SLX4IP: variants seen among roughly 807,000 people sequenced by gnomAD.
SLX4IP encodes SLX4 interacting protein.
Under a neutral mutation model 32.9 loss-of-function variants are expected in SLX4IP, and 34 were observed. The observed-to-expected ratio is 1.03, with a 90% CI of 0.79 to 1.38. SLX4IP has a LOEUF of 1.38. Among genes scored for constraint, SLX4IP ranks in the 40% most tolerant of loss-of-function variants. SLX4IP has a pLI of 0.00. For missense variants in SLX4IP, 444 were observed against 479.0 expected, an observed-to-expected ratio of 0.93 and a Z score of 0.68; for synonymous variants, 172 against 171.7, an observed-to-expected ratio of 1.00 and a Z score of -0.01.
intron 2 of SLX4IP, among the ~76,000 whole-genome samples, chr20:10,515,001 A>G (rs1490014931): frequency 6.6e-6 from 1 of 152,008 alleles, no homozygotes; most frequent in Non-Finnish European, 1.5e-5. Flanking sequence ...AGTATTTTAG[A>G]AAATAGGACA....
At chr20:10,440,382 G>A (rs6077790) in intron 1 of SLX4IP, among the ~76,000 whole-genome samples, 56,419 of 151,700 alleles carry the variant, frequency 0.37, 12,171 homozygotes, top group Non-Finnish European at 0.49. Flanking sequence ...TTGAACCCAC[G>A]AGGCAGAGGT....
rs1491112415 is a variant in SLX4IP at position 10,518,549 on chromosome 20, C to CCTTCCTTCCTTCCTTCCTTCCTTT, written c.28-37679_28-37678insCCTTCCTTCCTTCCTTCCTTTCTT. Among the ~76,000 whole-genome samples, 50 of 52,906 alleles carry CCTTCCTTCCTTCCTTCCTTCCTTT rather than the reference C, an allele frequency of 9.5e-4. 5 individuals carry two copies. The highest frequency in any genetic ancestry group is 1.3e-3 in the Non-Finnish European group (33 of 24,770). 34.7% of individuals were successfully genotyped at this position (52,906 alleles called of 152,430 possible). A position where few individuals can be genotyped will look rare whatever the true frequency, so the allele number is the denominator to read the frequency against. ...TCCTTCCTTCCTTCCTTCCTTCCTT[C>CCTTCCTTCCTTCCTTCCTTCCTTT]CTTTCCTTCTTTCTTTCTTTTCTTT... On this transcript the variant is annotated intron_variant, in intron 2 of 7. Transcript: ENST00000334534.
intron 4 of SLX4IP, 65 bp downstream of exon 4, chr20:10,560,885 A>T (rs2066325617): frequency 7.0e-7 from 1 of 1,419,454 alleles, no homozygotes; most frequent in African/African-American, 1.5e-5. Context: ...TAGAGATGGC[A>T]ATTATGTTTG....
chr20:10,495,093 C>A (rs927205951), intron 2 of SLX4IP, among the ~76,000 whole-genome samples: 4 of 152,058 alleles, frequency 2.6e-5, no homozygotes, highest in Admixed American at 6.6e-5. Context: ...TGAATAAATA[C>A]ATACAATTTT....
intron 4 of SLX4IP, among the ~76,000 whole-genome samples, chr20:10,592,747 GC>G (rs927182855): frequency 4.4e-5 from 6 of 136,728 alleles, no homozygotes; most frequent in African/African-American, 1.4e-4. Flanking sequence ...CGATTCTCTT[GC>G]CTCAGCCTCC....
intron 4 of SLX4IP, among the ~76,000 whole-genome samples, chr20:10,566,610 C>A (rs2066398272): frequency 6.6e-6 from 1 of 152,178 alleles, no homozygotes; most frequent in South Asian, 2.1e-4. Flanking sequence ...GCCTATATTG[C>A]ATCCCTTAGG....
intron 2 of SLX4IP, among the ~76,000 whole-genome samples, chr20:10,512,551 T>C (rs1032800134): frequency 8.2e-5 from 12 of 146,024 alleles, no homozygotes; most frequent in African/African-American, 2.7e-4. Context: ...TGCCCCACCA[T>C]CCCTGTCTAA....
At chr20:10,522,329 A>G (rs2065906790) in intron 2 of SLX4IP, among the ~76,000 whole-genome samples, 1 of 152,102 alleles carries the variant, frequency 6.6e-6, no homozygotes, top group African/African-American at 2.4e-5. Flanking sequence ...CAGTGACAGA[A>G]ATCAGTGTTT....
At chr20:10,622,015 G>C (rs559134274) in intron 7 of SLX4IP, among the ~76,000 whole-genome samples, 4 of 152,196 alleles carry the variant, frequency 2.6e-5, no homozygotes, top group African/African-American at 9.7e-5. Context: ...TGTGCACGCT[G>C]TAAGGAGCAA....
Position 10,624,480 on chromosome 20 carries a change from C to G in SLX4IP, c.*1101C>G, listed in dbSNP as rs1045358525. The G allele has an allele frequency of 4.6e-5, 7 of 152,092 alleles. No individual in the cohort carries two copies. Among genetic ancestry groups the G allele is most frequent in the African/African-American group, 1.7e-4 (7 of 41,418 alleles). The allele number at this position is 152,092 out of a possible 1,614,324, so 9.4% of individuals were successfully genotyped here. On this transcript the variant is annotated 3_prime_UTR_variant, in exon 8 of 8. Transcript: ENST00000334534. Reference sequence around the variant, plus strand: ...AGCAATGACTTATTTTGGATGGACACCCGCTAAAAGTTTCCAATAACCGAA... The same window carrying G: ...AGCAATGACTTATTTTGGATGGACAGCCGCTAAAAGTTTCCAATAACCGAA...
At chr20:10,478,617 T>C (rs1284732971) in intron 2 of SLX4IP, among the ~76,000 whole-genome samples, 1 of 152,214 alleles carries the variant, frequency 6.6e-6, no homozygotes, top group Non-Finnish European at 1.5e-5. Flanking sequence ...TTACTAACCA[T>C]GTTAAAATAT....
intron 2 of SLX4IP, among the ~76,000 whole-genome samples, chr20:10,480,794 T>A (rs972709175): frequency 6.6e-6 from 1 of 152,222 alleles, no homozygotes; most frequent in African/African-American, 2.4e-5. Context: ...ATTTCCGGAA[T>A]TGTTTCATGC....
At chr20:10,440,164 A>G (rs2065149462) in intron 1 of SLX4IP, among the ~76,000 whole-genome samples, 1 of 151,626 alleles carries the variant, frequency 6.6e-6, no homozygotes, top group Non-Finnish European at 1.5e-5. Context: ...GCATTTAAAA[A>G]TTATTCCAGA....
At chr20:10,459,779 G>A (rs2065320992) in intron 2 of SLX4IP, among the ~76,000 whole-genome samples, 1 of 152,178 alleles carries the variant, frequency 6.6e-6, no homozygotes, top group Non-Finnish European at 1.5e-5. Context: ...GTGGATAGAT[G>A]GGAGGCTCCT....
intron 2 of SLX4IP, among the ~76,000 whole-genome samples, chr20:10,539,854 T>G (rs956033464): frequency 6.6e-6 from 1 of 151,974 alleles, no homozygotes; most frequent in South Asian, 2.1e-4. Flanking sequence ...TTGGACATAG[T>G]TATTATTTTA....
intron 6 of SLX4IP, among the ~76,000 whole-genome samples, chr20:10,618,529 A>C (rs934414713): frequency 1.3e-5 from 2 of 152,210 alleles, no homozygotes; most frequent in Non-Finnish European, 2.9e-5. Flanking sequence ...CCAGGTTGTA[A>C]GGAATCATTT....
intron 2 of SLX4IP, among the ~76,000 whole-genome samples, chr20:10,494,963 T>C (rs1416271609): frequency 6.6e-6 from 1 of 152,148 alleles, no homozygotes; most frequent in Non-Finnish European, 1.5e-5. Flanking sequence ...TATTTCAAAA[T>C]TGTGAAGACT....
chr20:10,564,435 G>C (rs1472625377), intron 4 of SLX4IP, among the ~76,000 whole-genome samples: 2 of 152,058 alleles, frequency 1.3e-5, no homozygotes, highest in Admixed American at 1.3e-4. Flanking sequence ...TGTGTAAATT[G>C]GATATCTTCT....
intron 2 of SLX4IP, among the ~76,000 whole-genome samples, chr20:10,514,614 A>G (rs549379918): frequency 6.6e-6 from 1 of 152,342 alleles, no homozygotes; most frequent in East Asian, 1.9e-4. Context: ...GCCACTTGGG[A>G]GCCTTAATGT....
Sources: allele counts gnomAD v4.1 joint callset (sites outside exome capture counted in the v4.1 genomes callset), GRCh38; gene constraint gnomAD v4.1.1; transcripts MANE v1.5; gene names NCBI Gene and HGNC (gene_info 2026-07-23, HGNC 2026-07-21).